The following CACNA2D3 variants were observed in gnomAD, a reference collection of about 807,000 sequenced individuals.
CACNA2D3 encodes calcium voltage-gated channel auxiliary subunit alpha2delta 3.
In CACNA2D3, 60 loss-of-function variants were observed where a neutral mutation model predicts 160.6. That is an observed-to-expected ratio of 0.37 (90% confidence interval 0.30 to 0.46). CACNA2D3 has a LOEUF of 0.46. CACNA2D3 is among the 20% of genes least tolerant of loss of function. The pLI is 1.00. For missense variants in CACNA2D3, 1,205 were observed against 1,365.0 expected, an observed-to-expected ratio of 0.88 and a Z score of 1.85; for synonymous variants, 558 against 492.9, an observed-to-expected ratio of 1.13 and a Z score of -1.75.
rs746575268 is a variant in CACNA2D3 at position 54,642,189 on chromosome 3, C to T, written c.1115C>T (p.Ala372Val). 2.9e-5 allele frequency: 46 copies of T among 1,612,800 alleles called. No homozygotes were observed. The highest frequency in any genetic ancestry group is 4.5e-5 in the East Asian group (2 of 44,834). Residue 372 changes from alanine (A) to valine (V), a missense_variant, in exon 11 of 38, where the codon GCG becomes GTG. Physicochemically the swap from Ala to Val is moderately conservative, Grantham distance 64. Transcript: ENST00000474759. ...GCCATCATGCTCATAACTGATGGGG[C>T]GGTGGACACCTATGATACAATCTTT... ...SQAIMLITDG[A>V]VDTYDTIFAK... is the part of the protein sequence containing the mutation.
At chr3:54,753,325 T>G (rs1308871390) in intron 12 of CACNA2D3, among the ~76,000 whole-genome samples, 2 of 152,228 alleles carry the variant, frequency 1.3e-5, no homozygotes, top group Non-Finnish European at 2.9e-5. Flanking sequence ...AGGTGGGGCT[T>G]CAAGACTGGT....
intron 17 of CACNA2D3, among the ~76,000 whole-genome samples, chr3:54,847,446 G>A (rs889602341): frequency 3.3e-5 from 5 of 152,020 alleles, no homozygotes; most frequent in Admixed American, 2.0e-4. Context: ...AGAAAGTAGC[G>A]GCAGTGCCTG....
At chr3:54,754,653 A>G (rs1701938281) in intron 12 of CACNA2D3, among the ~76,000 whole-genome samples, 2 of 152,122 alleles carry the variant, frequency 1.3e-5, no homozygotes, top group African/African-American at 4.8e-5. Context: ...AGTTGACTCT[A>G]AGTACTAATA....
At chr3:54,787,969 A>G (rs1702672337) in intron 13 of CACNA2D3, among the ~76,000 whole-genome samples, 1 of 152,176 alleles carries the variant, frequency 6.6e-6, no homozygotes, top group African/African-American at 2.4e-5. Context: ...TTGGGGTGGC[A>G]TATTCTGATC....
chr3:55,006,266 A>G (rs1163906687), intron 32 of CACNA2D3, among the ~76,000 whole-genome samples: 4 of 152,158 alleles, frequency 2.6e-5, no homozygotes, highest in Non-Finnish European at 4.4e-5. Context: ...GTTTACTCAT[A>G]TATTGAGCCA....
intron 9 of CACNA2D3, among the ~76,000 whole-genome samples, chr3:54,606,472 A>T (rs1392287205): frequency 6.6e-6 from 1 of 152,102 alleles, no homozygotes; most frequent in East Asian, 1.9e-4. Flanking sequence ...GCGTGGCCAG[A>T]TGCTGGCTCT....
chr3:54,584,932 C>G (rs190176102), intron 9 of CACNA2D3, among the ~76,000 whole-genome samples: 5 of 152,202 alleles, frequency 3.3e-5, no homozygotes, highest in East Asian at 3.9e-4. Flanking sequence ...AAATATCCAT[C>G]AGGAATGAAG....
At chr3:54,332,471 G>A (rs1026587315) in intron 3 of CACNA2D3, among the ~76,000 whole-genome samples, 3 of 152,160 alleles carry the variant, frequency 2.0e-5, no homozygotes, top group African/African-American at 7.2e-5. Flanking sequence ...CATATGTATA[G>A]GACACGTGAG....
intron 2 of CACNA2D3, among the ~76,000 whole-genome samples, chr3:54,306,973 C>T (rs577576743): frequency 4.4e-4 from 67 of 152,222 alleles, no homozygotes; most frequent in East Asian, 9.7e-4. Context: ...GCATGCCCCC[C>T]GCCCTGCCGA....
At chr3:54,770,261 A>G (rs541212665) in intron 13 of CACNA2D3, among the ~76,000 whole-genome samples, 1 of 152,304 alleles carries the variant, frequency 6.6e-6, no homozygotes, top group Admixed American at 6.5e-5. Flanking sequence ...GTAATTCTCA[A>G]TGGCTAAAAA....
chr3:55,031,854 G>A (rs903487217), intron 35 of CACNA2D3, among the ~76,000 whole-genome samples: 3 of 151,952 alleles, frequency 2.0e-5, no homozygotes, highest in African/African-American at 7.2e-5. Context: ...AGGAGGATGT[G>A]GGAGAAATTA....
rs545143441 is a variant in CACNA2D3 at position 54,872,421 on chromosome 3, G to A, written c.1710+799G>A. ...AAGAGTGTGTCTGTGCTGAGGCCAC[G>A]TTTCTCTGCCCTACCCTCCCAGATT... On this transcript the variant is annotated intron_variant, in intron 18 of 37. Coordinates refer to ENST00000474759, the MANE Select transcript of CACNA2D3 (RefSeq NM_018398.3). Among the ~76,000 whole-genome samples the A allele has an allele frequency of 9.9e-5, 15 of 152,064 alleles. No individual in the cohort carries two copies. The South Asian group carries it at 3.1e-3, about 32-fold the overall frequency.
chr3:54,542,315 C>T (rs967142875), intron 5 of CACNA2D3, among the ~76,000 whole-genome samples: 5 of 152,108 alleles, frequency 3.3e-5, no homozygotes, highest in African/African-American at 1.2e-4. Flanking sequence ...CCACGTTGTC[C>T]TCCCAAAGTG....
At chr3:54,199,487 G>A (rs1031277666) in intron 2 of CACNA2D3, among the ~76,000 whole-genome samples, 5 of 152,018 alleles carry the variant, frequency 3.3e-5, no homozygotes, top group African/African-American at 1.2e-4. Flanking sequence ...CTCCTGAGTA[G>A]CCGAGACCAC....
At chr3:54,417,749 G>A (rs1363253320) in intron 4 of CACNA2D3, among the ~76,000 whole-genome samples, 1 of 145,896 alleles carries the variant, frequency 6.9e-6, no homozygotes. Flanking sequence ...TATTTTAGAT[G>A]ACAGGGGTTC....
chr3:54,992,240 C>G (rs887963836), intron 31 of CACNA2D3, among the ~76,000 whole-genome samples: 3 of 152,180 alleles, frequency 2.0e-5, no homozygotes, highest in Non-Finnish European at 4.4e-5. Flanking sequence ...TGGTAGCAGT[C>G]TAGCTACTAC....
chr3:54,902,774 G>T (rs1365296763), intron 27 of CACNA2D3, among the ~76,000 whole-genome samples: 2 of 152,150 alleles, frequency 1.3e-5, no homozygotes, highest in Non-Finnish European at 2.9e-5. Flanking sequence ...TCTAAAATAG[G>T]CTTGGGATTA....
chr3:54,181,146 G>T (rs1700774856), intron 2 of CACNA2D3, among the ~76,000 whole-genome samples: 1 of 152,172 alleles, frequency 6.6e-6, no homozygotes, highest in African/African-American at 2.4e-5. Context: ...GGGTTTGGTT[G>T]CAGGGTCATT....
intron 12 of CACNA2D3, among the ~76,000 whole-genome samples, chr3:54,760,379 G>A (rs1247975712): frequency 6.6e-6 from 1 of 152,252 alleles, no homozygotes; most frequent in Non-Finnish European, 1.5e-5. Context: ...GGGAAAGAAG[G>A]CCAGCAAGCC....
Sources: allele counts gnomAD v4.1 joint callset (sites outside exome capture counted in the v4.1 genomes callset), GRCh38; gene constraint gnomAD v4.1.1; transcripts MANE v1.5; gene names NCBI Gene and HGNC (gene_info 2026-07-23, HGNC 2026-07-21).